Variants in MDFIC observed in about 807,000 individuals in gnomAD.
MDFIC encodes the protein MyoD family inhibitor domain containing.
Under a neutral mutation model 23.2 loss-of-function variants are expected in MDFIC, and 17 were observed. That is an observed-to-expected ratio of 0.73 (90% CI 0.50 to 1.10). The LOEUF is 1.10. MDFIC is among the 50% of genes least tolerant of loss of function. MDFIC has a pLI of 0.00. For missense variants in MDFIC, 356 were observed against 316.6 expected, an observed-to-expected ratio of 1.12 and a Z score of -0.95; for synonymous variants, 120 against 115.2, an observed-to-expected ratio of 1.04 and a Z score of -0.27.
At chr7:114,932,936 C>A (rs1224639653) in intron 2 of MDFIC, among the ~76,000 whole-genome samples, 3 of 152,190 alleles carry the variant, frequency 2.0e-5, no homozygotes, top group Non-Finnish European at 4.4e-5. Context: ...TTGGAAAGCT[C>A]TTCTCTGTCC....
At chr7:114,999,317 C>T (rs775343647) in intron 4 of MDFIC, among the ~76,000 whole-genome samples, 4 of 151,812 alleles carry the variant, frequency 2.6e-5, no homozygotes, top group African/African-American at 4.8e-5. Flanking sequence ...ATCAAACACC[C>T]GGAACTTTTC....
chr7:114,943,129 T>C (rs1314149564), intron 3 of MDFIC, among the ~76,000 whole-genome samples: 30 of 152,208 alleles, frequency 2.0e-4, no homozygotes, highest in Admixed American at 2.0e-3. Context: ...ATATTCCCCT[T>C]TGGAGTAACC....
intron 4 of MDFIC, among the ~76,000 whole-genome samples, chr7:114,986,183 G>C (rs181778513): frequency 9.9e-5 from 15 of 152,222 alleles, no homozygotes; most frequent in Non-Finnish European, 2.9e-5. Flanking sequence ...TATTGTACAG[G>C]CTTTTTCTGC....
intron 4 of MDFIC, among the ~76,000 whole-genome samples, chr7:114,985,845 C>G (rs1318229507): frequency 6.6e-6 from 1 of 151,644 alleles, no homozygotes; most frequent in Non-Finnish European, 1.5e-5. Flanking sequence ...TCACACAGGT[C>G]TATATGATTT....
At chr7:114,949,075 G>A (rs546119378) in intron 3 of MDFIC, among the ~76,000 whole-genome samples, 4 of 152,058 alleles carry the variant, frequency 2.6e-5, no homozygotes, top group Non-Finnish European at 5.9e-5. Context: ...CACAATGTGT[G>A]TTGTTATTAT....
intron 3 of MDFIC, among the ~76,000 whole-genome samples, chr7:114,973,535 C>T (rs1004311775): frequency 6.6e-6 from 1 of 152,150 alleles, no homozygotes. Context: ...AGAAATGGGA[C>T]TAGCCACGTA....
At chr7:114,962,709 T>C (rs1397276382) in intron 3 of MDFIC, among the ~76,000 whole-genome samples, 1 of 152,210 alleles carries the variant, frequency 6.6e-6, no homozygotes, top group Non-Finnish European at 1.5e-5. Context: ...GAGAATTATG[T>C]GTTTTAACCG....
intron 3 of MDFIC, among the ~76,000 whole-genome samples, chr7:114,953,265 G>A (rs1053687051): frequency 1.3e-5 from 2 of 151,976 alleles, no homozygotes; most frequent in East Asian, 1.9e-4. Context: ...TAAATAAAAG[G>A]TTGTCTTTTA....
At chr7:114,923,522 T>G in intron 2 of MDFIC, 1 of 1,537,476 alleles carries the variant, frequency 6.5e-7, no homozygotes, top group East Asian at 2.4e-5. Flanking sequence ...CTCCATTTCA[T>G]CTTTCTGTTT....
rs1227423714 is a variant in MDFIC, at chr7:115,018,897, A to G, written c.*2962A>G. ...TTCCTAGTCTTCTTATGTAAATCAC[A>G]TGACTCATGTCCGTAAATGAACTAT... is the stretch of plus-strand genomic sequence containing the variant. On this transcript the variant is annotated 3_prime_UTR_variant, in exon 5 of 5. Transcript: ENST00000393486. The G allele has an allele frequency of 6.6e-6, 1 of 151,976 alleles. No individual in the cohort carries two copies. The highest frequency in any genetic ancestry group is 1.5e-5 in the Non-Finnish European group (1 of 67,882). The allele number at this position is 151,976 out of a possible 1,614,324, so 9.4% of individuals were successfully genotyped here. A position where few individuals can be genotyped will look rare whatever the true frequency, so the allele number is the denominator to read the frequency against.
intron 3 of MDFIC, among the ~76,000 whole-genome samples, chr7:114,978,001 T>A (rs1414547100): frequency 6.7e-6 from 1 of 148,206 alleles, no homozygotes; most frequent in Non-Finnish European, 1.5e-5. Context: ...CATTAATATT[T>A]ATATTAATAT....
In MDFIC at chr7:114,922,652, C is replaced by T. The variant is rs534243544; in HGVS notation, c.-108+16C>T. 4.6e-6 allele frequency: 6 copies of T among 1,307,834 alleles called. No homozygotes were observed. Among genetic ancestry groups the T allele is most frequent in the Admixed American group, 8.2e-5 (2 of 24,420 alleles). 81.0% of individuals were successfully genotyped at this position (1,307,834 alleles called of 1,614,324 possible). Reference sequence around the variant, plus strand: ...GGATGCGGAGGTAGGTAGTGGTCTCCGGGCGGGGAAGAGGAGGGGTTTGAT... The same window carrying T: ...GGATGCGGAGGTAGGTAGTGGTCTCTGGGCGGGGAAGAGGAGGGGTTTGAT... On this transcript the variant is annotated intron_variant, in intron 1 of 4. Coordinates refer to ENST00000393486, the MANE Select transcript of MDFIC (RefSeq NM_001166345.3).
intron 4 of MDFIC, among the ~76,000 whole-genome samples, chr7:114,980,617 A>G (rs1793401580): frequency 6.6e-6 from 1 of 152,192 alleles, no homozygotes; most frequent in Admixed American, 6.5e-5. Flanking sequence ...CTTTCCATGT[A>G]TCCATGGTTC....
Position 115,009,097 on chromosome 7 carries a change from G to A in MDFIC, c.494-6591G>A, listed in dbSNP as rs148735331. 2.7e-4 allele frequency among the ~76,000 whole-genome samples: 41 copies of A among 152,248 alleles called. No individual in the cohort carries two copies. The East Asian group carries it at 7.5e-3, about 28-fold the overall frequency. On this transcript the variant is annotated intron_variant, in intron 4 of 4. Transcript: ENST00000393486. ...ATCCATGGTCTTTGGCATATTATTG[G>A]CCTGTTAAATGCTAATAAACCTTTG...
intron 4 of MDFIC, among the ~76,000 whole-genome samples, chr7:114,995,165 A>G (rs919536556): frequency 1.3e-5 from 2 of 152,130 alleles, no homozygotes; most frequent in Non-Finnish European, 1.5e-5. Context: ...TGCATTCATC[A>G]TGTAGTTCTT....
chr7:114,941,674 A>T (rs545158218), intron 2 of MDFIC, among the ~76,000 whole-genome samples: 34 of 152,226 alleles, frequency 2.2e-4, no homozygotes, highest in African/African-American at 7.5e-4. Flanking sequence ...TGCCCCAAAG[A>T]CTTTACATTT....
At chr7:114,987,798 T>A (rs888225389) in intron 4 of MDFIC, among the ~76,000 whole-genome samples, 8 of 152,110 alleles carry the variant, frequency 5.3e-5, no homozygotes, top group African/African-American at 1.9e-4. Flanking sequence ...ATTAGCTGTC[T>A]TTTTTTAAAA....
At chr7:114,966,388 T>G (rs566828699) in intron 3 of MDFIC, among the ~76,000 whole-genome samples, 35 of 144,912 alleles carry the variant, frequency 2.4e-4, no homozygotes, top group African/African-American at 8.7e-4. Flanking sequence ...CTCACTCTGA[T>G]GTCCTAGTCA....
intron 2 of MDFIC, among the ~76,000 whole-genome samples, chr7:114,925,732 T>G (rs1490690098): frequency 6.6e-6 from 1 of 152,184 alleles, no homozygotes; most frequent in Non-Finnish European, 1.5e-5. Flanking sequence ...TATCTTCAGA[T>G]ATTTCAAGTG....
Sources: gnomAD v4.1 joint callset for allele counts (sites outside exome capture counted in the v4.1 genomes callset) on GRCh38, gnomAD v4.1.1 for gene constraint, MANE v1.5 for transcripts, NCBI Gene and HGNC (gene_info 2026-07-23, HGNC 2026-07-21) for gene names.